The following BTAF1 variants were observed in gnomAD, a reference collection of about 807,000 sequenced individuals.
BTAF1 encodes the protein TATA-binding protein-associated factor 172.
BTAF1 carries 38 observed loss-of-function variants against 227.1 expected under a neutral mutation model. That is an observed-to-expected ratio of 0.17 (90% CI 0.13 to 0.22). The LOEUF is 0.22. Ranked by LOEUF, BTAF1 falls within the 10% of genes least tolerant of loss-of-function variation. The pLI is 1.00. For synonymous variants in BTAF1, 742 were observed against 751.9 expected (o/e 0.99, Z 0.21); for missense variants, 1,598 against 2,204.0 (o/e 0.73, Z 5.51).
At chr10:91,996,143 G>A (rs1054884963) in intron 23 of BTAF1, among the ~76,000 whole-genome samples, 9 of 152,116 alleles carry the variant, frequency 5.9e-5, no homozygotes, top group African/African-American at 2.2e-4. Context: ...CAGAGCAGAG[G>A]TTCTATACCT....
intron 25 of BTAF1, among the ~76,000 whole-genome samples, chr10:92,000,597 C>T (rs1849454266): frequency 6.6e-6 from 1 of 152,152 alleles, no homozygotes; most frequent in Admixed American, 6.6e-5. Context: ...TTGCTCTTGT[C>T]ACCCAGGCTG....
intron 15 of BTAF1, among the ~76,000 whole-genome samples, chr10:91,981,070 G>A (rs1848031913): frequency 6.6e-6 from 1 of 152,062 alleles, no homozygotes; most frequent in South Asian, 2.1e-4. Context: ...AATTACTCTT[G>A]AATTGTTGGC....
chr10:91,950,657 A>T (rs530332362), intron 4 of BTAF1, among the ~76,000 whole-genome samples: 1 of 151,962 alleles, frequency 6.6e-6, no homozygotes, highest in African/African-American at 2.4e-5. Flanking sequence ...ATTATTTGGG[A>T]TATTAGGGCT....
chr10:91,974,601 C>T (rs1035000422), intron 14 of BTAF1, among the ~76,000 whole-genome samples: 1 of 152,168 alleles, frequency 6.6e-6, no homozygotes, highest in Non-Finnish European at 1.5e-5. Context: ...CCTGTAACCC[C>T]AGGACTTTGG....
intron 1 of BTAF1, among the ~76,000 whole-genome samples, chr10:91,928,436 C>T (rs1460202103): frequency 5.3e-5 from 8 of 151,764 alleles, no homozygotes; most frequent in Non-Finnish European, 1.2e-4. Flanking sequence ...AGTAAAAGAC[C>T]CAAAATCCAA....
chr10:91,944,768 C>T (rs1269645083), intron 4 of BTAF1, among the ~76,000 whole-genome samples: 1 of 152,178 alleles, frequency 6.6e-6, no homozygotes, highest in African/African-American at 2.4e-5. Context: ...CTTTTGGTCT[C>T]TTTAGATTTG....
chr10:91,969,958 C>G (rs2133935946), intron 14 of BTAF1, among the ~76,000 whole-genome samples: 1 of 130,846 alleles, frequency 7.6e-6, no homozygotes, highest in East Asian at 2.5e-4. Flanking sequence ...AAGACCCTGT[C>G]TCAGAAAAAA....
At chr10:91,962,902 C>T (rs1463518054) in intron 12 of BTAF1, among the ~76,000 whole-genome samples, 2 of 151,840 alleles carry the variant, frequency 1.3e-5, no homozygotes, top group Non-Finnish European at 2.9e-5. Context: ...TAGGGAACTT[C>T]CTTGAGAAGA....
intron 8 of BTAF1, among the ~76,000 whole-genome samples, chr10:91,958,140 C>A (rs754151351): frequency 1.3e-5 from 2 of 152,076 alleles, no homozygotes; most frequent in African/African-American, 2.4e-5. Flanking sequence ...CCTCCGCCAC[C>A]CAGGTTCAGG....
Position 91,992,320 on chromosome 10 carries a change from T to A in BTAF1, c.3045+11T>A. 1 of 1,503,584 alleles carries A rather than the reference T, an allele frequency of 6.7e-7. No individual in the cohort carries two copies. Among genetic ancestry groups the A allele is most frequent in the Non-Finnish European group, 9.0e-7 (1 of 1,114,696 alleles). The allele number at this position is 1,503,584 out of a possible 1,614,324, so 93.1% of individuals were successfully genotyped here. On this transcript the variant is annotated intron_variant, in intron 21 of 37. Transcript: ENST00000265990. ...GTTGAACTTGATGAGGTAAGTAGTT[T>A]TTTTTTTTTTTTAATGCTTTGATTT...
chr10:92,006,210 T>C (rs1398500168), intron 25 of BTAF1, among the ~76,000 whole-genome samples: 1 of 152,174 alleles, frequency 6.6e-6, no homozygotes, highest in Non-Finnish European at 1.5e-5. Context: ...TTGTTTTGGC[T>C]CAGGGATATA....
At chr10:92,023,744 T>A (rs1172039778) in intron 34 of BTAF1, among the ~76,000 whole-genome samples, 2 of 152,104 alleles carry the variant, frequency 1.3e-5, no homozygotes, top group Non-Finnish European at 2.9e-5. Context: ...CCAGCAATTC[T>A]CCTGTCTCAG....
At chr10:91,979,549 A>C (rs1023772242) in intron 14 of BTAF1, among the ~76,000 whole-genome samples, 1 of 152,142 alleles carries the variant, frequency 6.6e-6, no homozygotes, top group African/African-American at 2.4e-5. Flanking sequence ...ATTTCAGTTA[A>C]AATTTCCAAA....
At chr10:91,969,347 A>T (rs1195303146) in intron 14 of BTAF1, among the ~76,000 whole-genome samples, 1 of 152,144 alleles carries the variant, frequency 6.6e-6, no homozygotes, top group Non-Finnish European at 1.5e-5. Context: ...GCCACAAAAA[A>T]AAAGTTAGCT....
In BTAF1 at chr10:91,940,898, C is replaced by T. The variant is rs186327918; in HGVS notation, c.253+832C>T. Among the ~76,000 whole-genome samples, 27 of 151,128 alleles carry T rather than the reference C, an allele frequency of 1.8e-4. No individual in the cohort carries two copies. In the East Asian group the frequency reaches 3.5e-3, roughly 20 times the overall value. ...TGGGTTTTGCTTTGTTGGCCAGGCT[C>T]GGGGGGGTGGGGTTTGAATCCCTGG... On this transcript the variant is annotated intron_variant, in intron 3 of 37. Transcript: ENST00000265990.
chr10:91,939,930 C>T, intron 2 of BTAF1, 22 bp from the exon 3 acceptor site: 1 of 1,535,158 alleles, frequency 6.5e-7, no homozygotes, highest in African/African-American at 1.4e-5. Flanking sequence ...GTATACGTAA[C>T]TTTTATTTTA....
intron 32 of BTAF1, among the ~76,000 whole-genome samples, chr10:92,015,169 A>C (rs1850625383): frequency 6.6e-6 from 1 of 152,216 alleles, no homozygotes. Flanking sequence ...TTTGTACATA[A>C]AGACCATTAT....
chr10:92,027,638 T>C (rs368265528), intron 37 of BTAF1, among the ~76,000 whole-genome samples: 2 of 152,314 alleles, frequency 1.3e-5, no homozygotes, highest in South Asian at 4.1e-4. Context: ...GCAGATTATC[T>C]CTCTGAGCTT....
chr10:91,952,883 A>G (rs1239049019), intron 5 of BTAF1, among the ~76,000 whole-genome samples: 5 of 152,232 alleles, frequency 3.3e-5, no homozygotes, highest in Non-Finnish European at 7.3e-5. Flanking sequence ...TGGGTAATTG[A>G]ACATGGTGTA....
Sources: allele counts gnomAD v4.1 joint callset (sites outside exome capture counted in the v4.1 genomes callset), GRCh38; gene constraint gnomAD v4.1.1; transcripts MANE v1.5; gene names NCBI Gene and HGNC (gene_info 2026-07-23, HGNC 2026-07-21).